Variants in PDE4D observed in about 807,000 individuals in gnomAD.
PDE4D encodes the protein 3',5'-cyclic-AMP phosphodiesterase 4D.
PDE4D carries 24 observed loss-of-function variants against 87.4 expected under a neutral mutation model. The observed-to-expected ratio is 0.27, with a 90% CI of 0.20 to 0.39. The LOEUF (loss-of-function observed/expected upper bound fraction) is 0.39. Ranked by LOEUF, PDE4D falls within the 10% of genes least tolerant of loss-of-function variation. PDE4D has a pLI of 1.00. For synonymous variants in PDE4D, 384 were observed against 383.2 expected (o/e 1.00, Z -0.02); for missense variants, 714 against 1,041.0 (o/e 0.69, Z 4.32).
At chr5:59,519,731 T>C (rs979779427) in intron 1 of PDE4D, among the ~76,000 whole-genome samples, 5 of 152,212 alleles carry the variant, frequency 3.3e-5, no homozygotes, top group African/African-American at 1.2e-4. Flanking sequence ...TTACTGTTTT[T>C]GTAGAATAAC....
intron 1 of PDE4D, among the ~76,000 whole-genome samples, chr5:59,416,163 C>G (rs1016180890): frequency 3.9e-5 from 6 of 152,202 alleles, no homozygotes; most frequent in South Asian, 2.1e-4. Context: ...TCAAATTCCC[C>G]TTTCTTGGTA....
chr5:60,407,246 G>C (rs1383255374), intron 1 of PDE4D, among the ~76,000 whole-genome samples: 1 of 151,930 alleles, frequency 6.6e-6, no homozygotes, highest in Non-Finnish European at 1.5e-5. Flanking sequence ...CGAGCACACT[G>C]GAGCTGAGGA....
At chr5:60,033,780 C>T (rs1017446129) in intron 2 of PDE4D, among the ~76,000 whole-genome samples, 17 of 152,114 alleles carry the variant, frequency 1.1e-4, no homozygotes, top group African/African-American at 4.1e-4. Context: ...ACACAGTTGT[C>T]AATACAATTT....
chr5:60,481,362 T>G (rs1285610925), intron 1 of PDE4D, among the ~76,000 whole-genome samples: 1 of 151,282 alleles, frequency 6.6e-6, no homozygotes, highest in Non-Finnish European at 1.5e-5. Context: ...GGTAACTGTG[T>G]TTTTTTTTAT....
chr5:59,899,115 A>C (rs1278804997), intron 3 of PDE4D, among the ~76,000 whole-genome samples: 1 of 152,184 alleles, frequency 6.6e-6, no homozygotes, highest in Non-Finnish European at 1.5e-5. Flanking sequence ...AACATTTTCC[A>C]TACATTATTT....
chr5:58,994,983 A>C (rs1432204035), intron 6 of PDE4D, among the ~76,000 whole-genome samples: 1 of 134,566 alleles, frequency 7.4e-6, no homozygotes, highest in Non-Finnish European at 1.5e-5. Flanking sequence ...CTCATTGTTC[A>C]ATTCCCACAT....
chr5:59,500,564 C>T lies in PDE4D; in HGVS notation c.456-284596G>A, dbSNP rs76000361. ...TGGGAGCTAAACACTGGAGGCAACA[C>T]GGACACAAATATGGAAACACTGAAC... On this transcript the variant is annotated intron_variant, in intron 1 of 14. Coordinates refer to ENST00000340635, the MANE Select transcript of PDE4D (RefSeq NM_001104631.2). Among the ~76,000 whole-genome samples the T allele has an allele frequency of 6.4e-4, 98 of 152,092 alleles. No individual in the cohort carries two copies. In the East Asian group the frequency reaches 0.011, roughly 17 times the overall value.
intron 1 of PDE4D, among the ~76,000 whole-genome samples, chr5:60,219,303 T>G (rs1443230734): frequency 2.0e-5 from 3 of 152,282 alleles, no homozygotes; most frequent in Non-Finnish European, 4.4e-5. Context: ...TGTATGACTT[T>G]TGTCAATTTG....
At chr5:60,241,273 T>TC in intron 1 of PDE4D, among the ~76,000 whole-genome samples, 1 of 48,950 alleles carries the variant, frequency 2.0e-5, no homozygotes, top group East Asian at 2.1e-4. Flanking sequence ...CTCTCTCTCT[T>TC]TTTTTTTTTT....
At chr5:59,516,002 C>T (rs1038460419) in intron 1 of PDE4D, among the ~76,000 whole-genome samples, 3 of 151,932 alleles carry the variant, frequency 2.0e-5, no homozygotes, top group Non-Finnish European at 2.9e-5. Flanking sequence ...AAGAACTTTA[C>T]GGTGAAATAA....
intron 2 of PDE4D, among the ~76,000 whole-genome samples, chr5:60,161,462 T>C (rs1009308613): frequency 6.6e-6 from 1 of 152,172 alleles, no homozygotes; most frequent in African/African-American, 2.4e-5. Context: ...TCAGATGTTG[T>C]TGAGTATGAA....
intron 6 of PDE4D, among the ~76,000 whole-genome samples, chr5:59,038,262 TG>T (rs1440485681): frequency 2.0e-5 from 3 of 152,228 alleles, no homozygotes; most frequent in Non-Finnish European, 4.4e-5. Flanking sequence ...GAAGCCTCCT[TG>T]TACTAAATGA....
intron 2 of PDE4D, among the ~76,000 whole-genome samples, chr5:59,993,548 C>T (rs1274433557): frequency 6.6e-6 from 1 of 151,838 alleles, no homozygotes; most frequent in African/African-American, 2.4e-5. Flanking sequence ...ACAATAATAT[C>T]AAAACAAAAC....
chr5:59,971,139 T>C (rs1234490152), intron 3 of PDE4D, among the ~76,000 whole-genome samples: 3 of 140,224 alleles, frequency 2.1e-5, no homozygotes, highest in East Asian at 2.2e-4. Context: ...TTCTCACTTA[T>C]AGGTGGGAAT....
At chr5:59,789,133 C>T (rs745764515) in intron 1 of PDE4D, among the ~76,000 whole-genome samples, 5 of 152,122 alleles carry the variant, frequency 3.3e-5, no homozygotes, top group Non-Finnish European at 5.9e-5. Context: ...ATGAGAGAAG[C>T]GTCTCCCAAA....
intron 1 of PDE4D, among the ~76,000 whole-genome samples, chr5:59,698,693 C>A (rs1316953022): frequency 6.6e-6 from 1 of 152,132 alleles, no homozygotes; most frequent in Non-Finnish European, 1.5e-5. Context: ...CAAAGCAAAT[C>A]TATTCAAAAG....
intron 5 of PDE4D, among the ~76,000 whole-genome samples, chr5:59,048,959 C>A (rs1761126614): frequency 6.6e-6 from 1 of 152,156 alleles, no homozygotes; most frequent in Admixed American, 6.5e-5. Flanking sequence ...CTTCCTTAAA[C>A]CCTGGTTTTA....
At chr5:60,116,075 T>C (rs1778145743) in intron 2 of PDE4D, among the ~76,000 whole-genome samples, 1 of 152,106 alleles carries the variant, frequency 6.6e-6, no homozygotes, top group African/African-American at 2.4e-5. Context: ...CCACAATGCT[T>C]GGACTACGTA....
intron 1 of PDE4D, among the ~76,000 whole-genome samples, chr5:60,220,160 C>T (rs1282223911): frequency 6.6e-6 from 1 of 151,962 alleles, no homozygotes; most frequent in African/African-American, 2.4e-5. Context: ...GCAGTGGGGG[C>T]GGTTTGCTTG....
Sources: gnomAD v4.1 joint callset for allele counts (sites outside exome capture counted in the v4.1 genomes callset) on GRCh38, gnomAD v4.1.1 for gene constraint, MANE v1.5 for transcripts, NCBI Gene and HGNC (gene_info 2026-07-23, HGNC 2026-07-21) for gene names.